The following PAPSS1 variants were observed in gnomAD, a reference collection of about 807,000 sequenced individuals.
The protein encoded by PAPSS1 is 3'-phosphoadenosine 5'-phosphosulfate synthase 1.
PAPSS1 carries 50 observed loss-of-function variants against 72.0 expected under a neutral mutation model. The observed-to-expected ratio is 0.69, with a 90% confidence interval of 0.55 to 0.88. The LOEUF is 0.88. Ranked by LOEUF, PAPSS1 falls within the 40% of genes least tolerant of loss-of-function variation. PAPSS1 has a pLI of 0.00. For missense variants in PAPSS1, 657 were observed against 782.2 expected, an observed-to-expected ratio of 0.84 and a Z score of 1.91; for synonymous variants, 261 against 263.6, an observed-to-expected ratio of 0.99 and a Z score of 0.09.
chr4:107,665,565 A>C (rs754236836), intron 5 of PAPSS1, among the ~76,000 whole-genome samples: 1 of 152,140 alleles, frequency 6.6e-6, no homozygotes, highest in Non-Finnish European at 1.5e-5. Context: ...TCCAATCTGA[A>C]AGGCTCCAGT....
chr4:107,714,148 A>G (rs935407811), intron 1 of PAPSS1, among the ~76,000 whole-genome samples: 6 of 152,088 alleles, frequency 3.9e-5, no homozygotes, highest in Admixed American at 6.6e-5. Context: ...CCATCCCCCA[A>G]TGATGTCTGA....
rs375809845 is a variant in PAPSS1, at chr4:107,647,065, G to A, written c.1238-1995C>T. 1.1e-4 allele frequency among the ~76,000 whole-genome samples: 16 copies of A among 152,276 alleles called. No individual in the cohort carries two copies. The East Asian group carries it at 1.7e-3, about 17-fold the overall frequency. On this transcript the variant is annotated intron_variant, in intron 9 of 11. Transcript: ENST00000265174. ...ACAGCCAGTGACAGGGAAGAAACCC[G>A]CCAGGGACAGGATGCAAATGCAGCT...
At chr4:107,640,845 C>T (rs1376273109) in intron 10 of PAPSS1, among the ~76,000 whole-genome samples, 2 of 152,212 alleles carry the variant, frequency 1.3e-5, no homozygotes, top group Admixed American at 1.3e-4. Flanking sequence ...CTTACGCTCA[C>T]AATTCACACT....
intron 1 of PAPSS1, among the ~76,000 whole-genome samples, chr4:107,719,009 AG>A (rs1723705819): frequency 6.6e-6 from 1 of 152,232 alleles, no homozygotes; most frequent in Admixed American, 6.5e-5. Context: ...ATGAGAGACC[AG>A]GCCAGGAGTC....
chr4:107,644,975 G>T lies in PAPSS1; in HGVS notation c.1333C>A (p.Arg445=), dbSNP rs199838116. ...THKQLLERGY[R]RPVLLLHPLG... is the part of the protein sequence containing the mutation. ...GGGTGGAGGAGGAGGACAGGGCGCCGGTAGCCCCTCTCTAGAAGTTGCTTA... is the reference window on the plus strand; with the variant it reads ...GGGTGGAGGAGGAGGACAGGGCGCCTGTAGCCCCTCTCTAGAAGTTGCTTA... Residue 445 remains arginine, a synonymous_variant, in exon 10 of 12, where the codon CGG becomes AGG. Transcript: ENST00000265174. 6.2e-7 allele frequency: 1 copy of T among 1,613,476 alleles called. No homozygotes were observed. Among genetic ancestry groups the T allele is most frequent in the Non-Finnish European group, 8.5e-7 (1 of 1,179,636 alleles).
intron 11 of PAPSS1, among the ~76,000 whole-genome samples, chr4:107,626,618 G>A (rs762211351): frequency 3.9e-4 from 60 of 152,220 alleles, no homozygotes; most frequent in Non-Finnish European, 5.3e-4. Flanking sequence ...TCTTCATAAA[G>A]TTTGTTTCTT....
At chr4:107,681,932 C>T (rs1308025324) in intron 5 of PAPSS1, 83 bp downstream of exon 5, 22 of 718,218 alleles carry the variant, frequency 3.1e-5, no homozygotes, top group Non-Finnish European at 5.1e-5. Flanking sequence ...TCAATATTAA[C>T]ACCACCATTT....
At chr4:107,663,638 C>T (rs62311620) in intron 5 of PAPSS1, among the ~76,000 whole-genome samples, 29,333 of 152,042 alleles carry the variant, frequency 0.19, 3,116 homozygotes, top group East Asian at 0.37. Context: ...CAAATCCCTG[C>T]AATACTGTCT....
chr4:107,718,519 C>G (rs564880407), intron 1 of PAPSS1: 12 of 152,404 alleles, frequency 7.9e-5, no homozygotes, highest in Non-Finnish European at 1.2e-4. Context: ...AATCTCTCCT[C>G]TAAATTGCAA....
At chr4:107,671,933 A>G (rs1032102598) in intron 5 of PAPSS1, among the ~76,000 whole-genome samples, 14 of 152,240 alleles carry the variant, frequency 9.2e-5, no homozygotes, top group Non-Finnish European at 1.5e-4. Context: ...AGAACTCCAG[A>G]TACAGAGGGC....
intron 1 of PAPSS1, among the ~76,000 whole-genome samples, chr4:107,712,606 G>A (rs1723522938): frequency 6.6e-6 from 1 of 152,194 alleles, no homozygotes; most frequent in South Asian, 2.1e-4. Context: ...CGGGCGTGGT[G>A]GCTCATGCTT....
intron 2 of PAPSS1, among the ~76,000 whole-genome samples, chr4:107,698,766 C>T (rs1159847221): frequency 6.6e-6 from 1 of 152,168 alleles, no homozygotes; most frequent in Non-Finnish European, 1.5e-5. Context: ...GTGAGTTTCA[C>T]CTCCAGGAGC....
In PAPSS1 at chr4:107,634,177, C is replaced by T. The variant is rs142093062; in HGVS notation, c.1507-2317G>A. Among the ~76,000 whole-genome samples the T allele has an allele frequency of 1.5e-3, 229 of 152,028 alleles. 1 individual carries two copies. Among genetic ancestry groups the T allele is most frequent in the African/African-American group, 5.2e-3 (215 of 41,488 alleles). The stretch of plus-strand genomic sequence containing the variant: ...GGACCACAGAGATGCGCCACCATGC[C>T]TGGCTATTTTTTATTTTTTGTAGAG... On this transcript the variant is annotated intron_variant, in intron 10 of 11. Coordinates refer to ENST00000265174, the MANE Select transcript of PAPSS1 (RefSeq NM_005443.5).
At chr4:107,676,222 T>C (rs925402511) in intron 5 of PAPSS1, among the ~76,000 whole-genome samples, 3 of 152,094 alleles carry the variant, frequency 2.0e-5, no homozygotes, top group Non-Finnish European at 2.9e-5. Flanking sequence ...GGCATTCAAT[T>C]AGGAAAAGAG....
intron 1 of PAPSS1, among the ~76,000 whole-genome samples, chr4:107,706,417 C>A (rs1335714600): frequency 1.3e-5 from 2 of 152,002 alleles, no homozygotes; most frequent in East Asian, 3.9e-4. Flanking sequence ...CTCTCTATTG[C>A]ATTTTTCATT....
intron 1 of PAPSS1, among the ~76,000 whole-genome samples, chr4:107,710,000 T>G (rs1372896206): frequency 6.6e-6 from 1 of 152,180 alleles, no homozygotes; most frequent in Non-Finnish European, 1.5e-5. Flanking sequence ...GTGGTAGACT[T>G]AGGCCTGAAT....
chr4:107,672,712 G>C (rs1578412168), intron 5 of PAPSS1, among the ~76,000 whole-genome samples: 2 of 152,206 alleles, frequency 1.3e-5, no homozygotes, highest in East Asian at 3.9e-4. Context: ...CAGCTTTGAA[G>C]AGAGTAGTGG....
intron 4 of PAPSS1, among the ~76,000 whole-genome samples, chr4:107,683,615 A>G (rs1186694940): frequency 1.3e-5 from 2 of 152,218 alleles, no homozygotes; most frequent in Non-Finnish European, 2.9e-5. Flanking sequence ...TAATTTATCC[A>G]TAAGTGATTA....
At chr4:107,718,820 A>C (rs1723700677) in intron 1 of PAPSS1, among the ~76,000 whole-genome samples, 1 of 152,240 alleles carries the variant, frequency 6.6e-6, no homozygotes, top group South Asian at 2.1e-4. Context: ...AGAGAAGCGA[A>C]ACTGAGTCTG....
Sources: gnomAD v4.1 joint callset for allele counts (sites outside exome capture counted in the v4.1 genomes callset) on GRCh38, gnomAD v4.1.1 for gene constraint, MANE v1.5 for transcripts, NCBI Gene and HGNC (gene_info 2026-07-23, HGNC 2026-07-21) for gene names.